The following ATP9B variants were observed in gnomAD, a reference collection of about 807,000 sequenced individuals.
The protein encoded by ATP9B is probable phospholipid-transporting ATPase IIB.
A neutral mutation model predicts 146.1 loss-of-function variants in ATP9B; 110 were observed. The ratio of observed to expected loss-of-function variants is 0.75; its 90% confidence interval spans 0.65 to 0.88. ATP9B has a LOEUF of 0.88. ATP9B is among the 40% of genes least tolerant of loss of function. The pLI is 0.00. For synonymous variants in ATP9B, 604 were observed against 569.7 expected, an observed-to-expected ratio of 1.06 and a Z score of -0.86; for missense variants, 1,499 against 1,496.4, an observed-to-expected ratio of 1.00 and a Z score of -0.03.
chr18:79,094,358 G>T (rs2074604927), intron 1 of ATP9B, among the ~76,000 whole-genome samples: 1 of 152,180 alleles, frequency 6.6e-6, no homozygotes, highest in Non-Finnish European at 1.5e-5. Context: ...AATTTCCAGG[G>T]TTGTTTTTTC....
chr18:79,185,019 T>A (rs2095292672), intron 8 of ATP9B, among the ~76,000 whole-genome samples: 1 of 151,426 alleles, frequency 6.6e-6, no homozygotes, highest in African/African-American at 2.4e-5. Context: ...CAAGCAAGGA[T>A]GTCGGTACAT....
chr18:79,376,897 C>T (rs1265930781), intron 29 of ATP9B, among the ~76,000 whole-genome samples: 1 of 152,172 alleles, frequency 6.6e-6, no homozygotes, highest in African/African-American at 2.4e-5. Flanking sequence ...TGAGGTTTTC[C>T]TATGTTGGCC....
At chr18:79,304,929 A>T (rs980914715) in intron 14 of ATP9B, among the ~76,000 whole-genome samples, 1 of 152,252 alleles carries the variant, frequency 6.6e-6, no homozygotes, top group African/African-American at 2.4e-5. Context: ...AGTGATCCAC[A>T]TAATAATGAG....
chr18:79,245,911 C>A (rs1428524004), intron 11 of ATP9B, among the ~76,000 whole-genome samples: 2 of 26,950 alleles, frequency 7.4e-5, no homozygotes, highest in East Asian at 1.0e-3. Flanking sequence ...AGGGCACCGC[C>A]CTACTGACTG....
intron 8 of ATP9B, among the ~76,000 whole-genome samples, chr18:79,181,546 A>G (rs910729157): frequency 5.3e-5 from 8 of 152,222 alleles, no homozygotes; most frequent in African/African-American, 1.2e-4. Context: ...GGGAATATCA[A>G]GTGGTTAGAT....
chr18:79,106,459 G>T (rs773878260), intron 2 of ATP9B, among the ~76,000 whole-genome samples: 1 of 152,098 alleles, frequency 6.6e-6, no homozygotes, highest in Admixed American at 6.6e-5. Flanking sequence ...CATGGAAGTC[G>T]CCTGACTCCC....
rs913130708 is a variant in ATP9B, at chr18:79,378,196, A to G, written c.*813A>G. 1 of 152,256 alleles carries G rather than the reference A, an allele frequency of 6.6e-6. No individual in the cohort carries two copies. The highest frequency in any genetic ancestry group is 1.5e-5 in the Non-Finnish European group (1 of 68,052). 9.4% of individuals were successfully genotyped at this position (152,256 alleles called of 1,614,324 possible). ...CACTCAGACAGACGGCCTGCCCCACAGCCTGCCCTTTGCTGAAGATACCCT... is the reference window on the plus strand; with the variant it reads ...CACTCAGACAGACGGCCTGCCCCACGGCCTGCCCTTTGCTGAAGATACCCT... On this transcript the variant is annotated 3_prime_UTR_variant, in exon 30 of 30. Coordinates refer to ENST00000426216, the MANE Select transcript of ATP9B (RefSeq NM_198531.5).
At chr18:79,253,986 T>A (rs1369660306) in intron 12 of ATP9B, 1 of 152,954 alleles carries the variant, frequency 6.5e-6, no homozygotes, top group Non-Finnish European at 1.5e-5. Context: ...GGACTATCAT[T>A]TCAGAATGTT....
chr18:79,323,018 T>A lies in ATP9B; in HGVS notation c.1774-6123T>A, dbSNP rs566021378. 1.1e-3 allele frequency among the ~76,000 whole-genome samples: 165 copies of A among 152,368 alleles called. 1 individual carries two copies. The highest frequency in any genetic ancestry group is 3.9e-3 in the African/African-American group (164 of 41,590). ...ATACTTATGGGGTACATGTGATATTTGATACAAGCATACAATATGCAGTGA... is the reference window on the plus strand; with the variant it reads ...ATACTTATGGGGTACATGTGATATTAGATACAAGCATACAATATGCAGTGA... On this transcript the variant is annotated intron_variant, in intron 15 of 29. Coordinates refer to ENST00000426216, the MANE Select transcript of ATP9B (RefSeq NM_198531.5).
chr18:79,322,732 A>G (rs2096722689), intron 15 of ATP9B, among the ~76,000 whole-genome samples: 1 of 152,194 alleles, frequency 6.6e-6, no homozygotes, highest in Admixed American at 6.5e-5. Flanking sequence ...AAATTTGCTA[A>G]TTTCATTTAT....
At chr18:79,234,328 T>C (rs1015683989) in intron 11 of ATP9B, among the ~76,000 whole-genome samples, 1 of 152,234 alleles carries the variant, frequency 6.6e-6, no homozygotes, top group Non-Finnish European at 1.5e-5. Context: ...GTGAAATTCC[T>C]CTCACCGTTG....
At chr18:79,074,733 C>T (rs543065) in intron 1 of ATP9B, among the ~76,000 whole-genome samples, 9,259 of 152,354 alleles carry the variant, frequency 0.061, 366 homozygotes, top group Non-Finnish European at 0.092. Flanking sequence ...TTCCAGAACT[C>T]TCCTTTGATT....
At chr18:79,269,356 G>A (rs2096234491) in intron 12 of ATP9B, among the ~76,000 whole-genome samples, 2 of 152,068 alleles carry the variant, frequency 1.3e-5, no homozygotes, top group Non-Finnish European at 2.9e-5. Context: ...CTCATTCTTT[G>A]ACTGTGTGTA....
intron 1 of ATP9B, among the ~76,000 whole-genome samples, chr18:79,093,670 G>C (rs2074535594): frequency 3.9e-5 from 6 of 152,022 alleles, no homozygotes; most frequent in Admixed American, 3.9e-4. Flanking sequence ...ATGCATGTTA[G>C]ACCTTTTCAT....
chr18:79,113,229 T>C lies in ATP9B; in HGVS notation c.445-12T>C. 15 of 1,484,238 alleles carry C rather than the reference T, an allele frequency of 1.0e-5. No homozygotes were observed. The highest frequency in any genetic ancestry group is 1.1e-5 in the Non-Finnish European group (12 of 1,082,246). 91.9% of individuals were successfully genotyped at this position (1,484,238 alleles called of 1,614,324 possible). ...TGAAGGAATTTTGTTAATTTTCTCT[T>C]TTCCTTTTTAGGTTTTGTATGAACA... On this transcript the variant is annotated splice_polypyrimidine_tract_variant and intron_variant, in intron 3 of 29. Coordinates refer to ENST00000426216, the MANE Select transcript of ATP9B (RefSeq NM_198531.5).
At chr18:79,291,806 G>A (rs2096506100) in intron 13 of ATP9B, among the ~76,000 whole-genome samples, 1 of 152,190 alleles carries the variant, frequency 6.6e-6, no homozygotes, top group South Asian at 2.1e-4. Flanking sequence ...TCAACTGTCA[G>A]GATACATCGC....
At chr18:79,277,695 A>C (rs1171380553) in intron 13 of ATP9B, among the ~76,000 whole-genome samples, 1 of 152,122 alleles carries the variant, frequency 6.6e-6, no homozygotes, top group Non-Finnish European at 1.5e-5. Flanking sequence ...GTCCTTATTT[A>C]ATTTTCTTCT....
chr18:79,091,579 A>G (rs2074319589), intron 1 of ATP9B, among the ~76,000 whole-genome samples: 1 of 152,080 alleles, frequency 6.6e-6, no homozygotes, highest in Non-Finnish European at 1.5e-5. Context: ...TCTTTTTCAC[A>G]GTGTTTACTG....
intron 13 of ATP9B, among the ~76,000 whole-genome samples, chr18:79,286,430 G>A (rs2096442691): frequency 6.6e-6 from 1 of 151,286 alleles, no homozygotes; most frequent in Admixed American, 6.6e-5. Context: ...GTCTGTTATT[G>A]GTGTATAAGA....
Sources: allele counts gnomAD v4.1 joint callset (sites outside exome capture counted in the v4.1 genomes callset), GRCh38; gene constraint gnomAD v4.1.1; transcripts MANE v1.5; gene names NCBI Gene and HGNC (gene_info 2026-07-23, HGNC 2026-07-21).